ATP2B1: variants seen among roughly 807,000 people sequenced by gnomAD.
The protein encoded by ATP2B1 is plasma membrane calcium-transporting ATPase 1.
ATP2B1 carries 14 observed loss-of-function variants against 124.2 expected under a neutral mutation model. The observed-to-expected ratio is 0.11, with a 90% CI of 0.07 to 0.18. The LOEUF (loss-of-function observed/expected upper bound fraction) is 0.18. Among genes scored for constraint, ATP2B1 ranks in the 10% least tolerant of loss-of-function variants. ATP2B1 has a pLI of 1.00. For missense variants in ATP2B1, 763 were observed against 1,466.1 expected (o/e 0.52, Z 7.83); for synonymous variants, 449 against 492.4 (o/e 0.91, Z 1.17).
chr12:89,673,152 G>A (rs950148718), intron 1 of ATP2B1, among the ~76,000 whole-genome samples: 5 of 152,134 alleles, frequency 3.3e-5, no homozygotes, highest in African/African-American at 9.7e-5. Context: ...TATGTTAATA[G>A]TTGTGCTGTG....
At position 89,603,205 on chromosome 12, in the gene ATP2B1, A is replaced by C; in HGVS notation, c.2898T>G (p.Ala966=). 1 of 1,612,964 alleles carries C rather than the reference A, an allele frequency of 6.2e-7. No homozygotes were observed. The highest frequency in any genetic ancestry group is 8.5e-7 in the Non-Finnish European group (1 of 1,179,516). ...IDSGRNAPLH[A]PPSEHYTIVF... ...CAATAGTATAATGTTCTGAAGGAGG[A>C]GCATGCAAAGGAGCATTTCTTCCAC... The change falls in exon 18 of 21, where the codon GCT becomes GCG. Residue 966 remains alanine (A), a synonymous_variant. Coordinates refer to ENST00000428670, the MANE Select transcript of ATP2B1 (RefSeq NM_001366521.1). The surrounding 1 kb of genome is among the most constrained non-coding windows in gnomAD (Gnocchi z 4.3).
intron 10 of ATP2B1, among the ~76,000 whole-genome samples, chr12:89,620,651 AC>A (rs1405699839): frequency 6.6e-6 from 1 of 152,190 alleles, no homozygotes. Context: ...AATTAAATCT[AC>A]CAATTTTTAT....
rs533130754 is a variant in ATP2B1, at chr12:89,653,451, C to T, written c.208+2228G>A. 1.1e-3 allele frequency among the ~76,000 whole-genome samples: 173 copies of T among 151,362 alleles called. 1 individual carries two copies. Among genetic ancestry groups the T allele is most frequent in the Non-Finnish European group, 1.3e-3 (88 of 67,818 alleles). The stretch of plus-strand genomic sequence containing the variant: ...AGCTGGGACTACAGGCGCCCGCCAC[C>T]GCGCCCGGCTAATTTTTTTGTATTT... On this transcript the variant is annotated intron_variant, in intron 2 of 20. Coordinates refer to ENST00000428670, the MANE Select transcript of ATP2B1 (RefSeq NM_001366521.1).
rs1305216095 is a variant in ATP2B1, at chr12:89,590,897, C to T, written c.*87G>A. ...CTGTTGAAGTCCAAAGACAAGAATA[C>T]TAGCTTGTCCATCACAATATGTGAA... On this transcript the variant is annotated 3_prime_UTR_variant, in exon 21 of 21. Coordinates refer to ENST00000428670, the MANE Select transcript of ATP2B1 (RefSeq NM_001366521.1). 8.0e-7 allele frequency: 1 copy of T among 1,254,016 alleles called. No homozygotes were observed. The highest frequency in any genetic ancestry group is 2.1e-5 in the Admixed American group (1 of 47,886). 77.7% of individuals were successfully genotyped at this position (1,254,016 alleles called of 1,614,324 possible).
At chr12:89,632,739 T>C (rs1173394120) in intron 5 of ATP2B1, among the ~76,000 whole-genome samples, 1 of 152,210 alleles carries the variant, frequency 6.6e-6, no homozygotes, top group Admixed American at 6.5e-5. Context: ...TAGTACATTT[T>C]TGGAATAGGG....
intron 11 of ATP2B1, among the ~76,000 whole-genome samples, chr12:89,619,713 C>T (rs557621752): frequency 1.3e-4 from 20 of 151,282 alleles, no homozygotes; most frequent in East Asian, 3.9e-4. Flanking sequence ...ACAAGTAAAT[C>T]GACTTCTAAA....
chr12:89,601,633 G>GA (rs1875867010), intron 18 of ATP2B1, among the ~76,000 whole-genome samples, 200 bp from the exon 19 acceptor site: 2 of 152,006 alleles, frequency 1.3e-5, no homozygotes, highest in South Asian at 4.2e-4. Context: ...TTGCCTCTTA[G>GA]AAAAAAAGAC....
At chr12:89,616,109 G>A (rs545038154) in intron 12 of ATP2B1, among the ~76,000 whole-genome samples, 1 of 152,186 alleles carries the variant, frequency 6.6e-6, no homozygotes, top group South Asian at 2.1e-4. Flanking sequence ...CAATAATCAC[G>A]TGTTTGGTTC....
chr12:89,627,131 A>T (rs1262968407), intron 7 of ATP2B1, among the ~76,000 whole-genome samples: 1 of 152,154 alleles, frequency 6.6e-6, no homozygotes, highest in South Asian at 2.1e-4. Context: ...ACATAAATTT[A>T]CCCTAATCCG....
At chr12:89,614,063 T>C (rs1332924648) in intron 12 of ATP2B1, among the ~76,000 whole-genome samples, 1 of 152,178 alleles carries the variant, frequency 6.6e-6, no homozygotes. Flanking sequence ...AAACTCTCCA[T>C]CAACTGCAAT....
chr12:89,625,788 G>A (rs1320620742), intron 8 of ATP2B1, among the ~76,000 whole-genome samples: 1 of 152,120 alleles, frequency 6.6e-6, no homozygotes, highest in Non-Finnish European at 1.5e-5. Context: ...TAGATAATAA[G>A]TGTACTGAGG....
chr12:89,620,558 A>G (rs1158013499), intron 10 of ATP2B1, among the ~76,000 whole-genome samples: 2 of 152,188 alleles, frequency 1.3e-5, no homozygotes, highest in African/African-American at 4.8e-5. Context: ...TATGAAGTTT[A>G]TAGTTGGTTC....
At chr12:89,663,054 C>T (rs1592907935) in intron 1 of ATP2B1, among the ~76,000 whole-genome samples, 1 of 152,312 alleles carries the variant, frequency 6.6e-6, no homozygotes, top group East Asian at 1.9e-4. Context: ...TTAACCCCAG[C>T]ACTGTCTGGA....
At chr12:89,674,880 A>G (rs922869861) in intron 1 of ATP2B1, among the ~76,000 whole-genome samples, 16 of 152,216 alleles carry the variant, frequency 1.1e-4, no homozygotes, top group African/African-American at 3.6e-4. Flanking sequence ...AATTAAAAAC[A>G]AAAAATAGAC....
chr12:89,626,337 A>C, intron 8 of ATP2B1, 117 bp downstream of exon 8: 1 of 1,119,634 alleles, frequency 8.9e-7, no homozygotes, highest in Non-Finnish European at 1.2e-6. Context: ...AAAATATTTC[A>C]AACTCCCCTT....
chr12:89,663,361 T>A (rs1222178246), intron 1 of ATP2B1, among the ~76,000 whole-genome samples: 2 of 152,204 alleles, frequency 1.3e-5, no homozygotes, highest in Non-Finnish European at 2.9e-5. Context: ...CAAAGTTTTT[T>A]AACCAGGGTC....
At chr12:89,624,157 C>T (rs1049870535) in intron 9 of ATP2B1, 26 bp downstream of exon 9, 9 of 1,598,660 alleles carry the variant, frequency 5.6e-6, no homozygotes, top group East Asian at 2.2e-5. Flanking sequence ...AACATAACAA[C>T]GTCTACTGAA....
chr12:89,662,666 A>G (rs1198282095), intron 1 of ATP2B1, among the ~76,000 whole-genome samples: 1 of 152,212 alleles, frequency 6.6e-6, no homozygotes, highest in Admixed American at 6.5e-5. Context: ...TTAGTTTTAT[A>G]GAGCTGATAA....
intron 15 of ATP2B1, among the ~76,000 whole-genome samples, chr12:89,608,725 G>T (rs1877436413): frequency 6.6e-6 from 1 of 152,106 alleles, no homozygotes; most frequent in Non-Finnish European, 1.5e-5. Flanking sequence ...TCAGCTGTCA[G>T]AATGTAAATA....
Sources: gnomAD v4.1 joint callset for allele counts (sites outside exome capture counted in the v4.1 genomes callset) on GRCh38, gnomAD v4.1.1 for gene constraint, Gnocchi (gnomAD v3.1) non-coding constraint, MANE v1.5 for transcripts, NCBI Gene and HGNC (gene_info 2026-07-23, HGNC 2026-07-21) for gene names.